The following YWHAH variants were observed in gnomAD, a reference collection of about 807,000 sequenced individuals.
YWHAH encodes the protein tyrosine 3-monooxygenase/tryptophan 5-monooxygenase activation protein eta, also known as 14-3-3 protein eta.
Under a neutral mutation model 22.9 loss-of-function variants are expected in YWHAH, and 6 were observed. The observed-to-expected ratio is 0.26, with a 90% CI of 0.14 to 0.52. The LOEUF is 0.52. Among genes scored for constraint, YWHAH ranks in the 20% least tolerant of loss-of-function variants. The probability of loss-of-function intolerance (pLI) is 0.97; values close to 1 mark genes in which losing one functional copy is unlikely to be tolerated. For missense variants in YWHAH, 173 were observed against 308.6 expected (o/e 0.56, Z 3.29); for synonymous variants, 135 against 124.5 (o/e 1.08, Z -0.56).
Position 31,944,840 on chromosome 22 carries a change from G to C in YWHAH, c.87+20G>C. The C allele has an allele frequency of 1.5e-6, 2 of 1,353,458 alleles. No individual in the cohort carries two copies. The highest frequency in any genetic ancestry group is 1.9e-6 in the Non-Finnish European group (2 of 1,047,296). The allele number at this position is 1,353,458 out of a possible 1,614,324, so 83.8% of individuals were successfully genotyped here. ...AAGGCGGTGAGCGCGCCGGGAGCCC[G>C]GGCGGCTGGCCGGGGGGGGCCTGGC... On this transcript the variant is annotated intron_variant, in intron 1 of 1. Coordinates refer to ENST00000248975, the MANE Select transcript of YWHAH (RefSeq NM_003405.4).
chr22:31,949,766 T>C (rs530600109), intron 1 of YWHAH, among the ~76,000 whole-genome samples: 2 of 152,332 alleles, frequency 1.3e-5, no homozygotes, highest in South Asian at 4.1e-4. Context: ...AAGTTGTGAA[T>C]TCAAGATTCA....
chr22:31,946,350 T>C (rs745865206), intron 1 of YWHAH, among the ~76,000 whole-genome samples: 6 of 152,174 alleles, frequency 3.9e-5, no homozygotes, highest in Non-Finnish European at 8.8e-5. Context: ...GACTGACGAA[T>C]GCATTTCCTT....
At chr22:31,950,571 G>A (rs1419626377) in intron 1 of YWHAH, 4 of 506,560 alleles carry the variant, frequency 7.9e-6, no homozygotes, top group Non-Finnish European at 1.4e-5. Context: ...GTTCAGTTAT[G>A]TCAAAAGCAA....
intron 1 of YWHAH, chr22:31,945,071 GCGGGCCGGT>G: frequency 9.1e-7 from 1 of 1,103,632 alleles, no homozygotes; most frequent in South Asian, 3.8e-5. Context: ...CGGAAGGGGG[GCGGGCCGGT>G]CGGGGTCGCC....
intron 1 of YWHAH, among the ~76,000 whole-genome samples, chr22:31,954,523 C>G (rs181055854): frequency 6.6e-6 from 1 of 152,196 alleles, no homozygotes; most frequent in Non-Finnish European, 1.5e-5. Context: ...GAACCTAGTA[C>G]GACAAACTGG....
At chr22:31,946,987 A>G (rs190591793) in intron 1 of YWHAH, among the ~76,000 whole-genome samples, 47 of 152,310 alleles carry the variant, frequency 3.1e-4, no homozygotes, top group Non-Finnish European at 5.9e-4. Flanking sequence ...TTGTGCTTAT[A>G]GGTATTTTCT....
intron 1 of YWHAH, among the ~76,000 whole-genome samples, chr22:31,951,374 A>T (rs538458412): frequency 6.6e-5 from 10 of 152,220 alleles, no homozygotes; most frequent in Non-Finnish European, 1.0e-4. Context: ...GCTATAAAGG[A>T]TGAGCCCATA....
chr22:31,944,838 C>T lies in YWHAH; in HGVS notation c.87+18C>T. The T allele has an allele frequency of 2.9e-6, 4 of 1,356,482 alleles. No individual in the cohort carries two copies. The highest frequency in any genetic ancestry group is 1.9e-6 in the Non-Finnish European group (2 of 1,048,232). The allele number at this position is 1,356,482 out of a possible 1,614,324, so 84.0% of individuals were successfully genotyped here. A position where few individuals can be genotyped will look rare whatever the true frequency, so the allele number is the denominator to read the frequency against. On this transcript the variant is annotated intron_variant, in intron 1 of 1. Coordinates refer to ENST00000248975, the MANE Select transcript of YWHAH (RefSeq NM_003405.4). ...TGAAGGCGGTGAGCGCGCCGGGAGC[C>T]CGGGCGGCTGGCCGGGGGGGGCCTG...
chr22:31,950,427 G>A, intron 1 of YWHAH: 1 of 778,734 alleles, frequency 1.3e-6, no homozygotes, highest in Non-Finnish European at 2.4e-6. Context: ...GCGGTGGTGA[G>A]TGTTAGCACT....
intron 1 of YWHAH, among the ~76,000 whole-genome samples, chr22:31,953,975 T>A (rs1443027151): frequency 6.6e-6 from 1 of 152,196 alleles, no homozygotes. Context: ...TGTTTTACTT[T>A]GTGAGAACTT....
Position 31,956,235 on chromosome 22 carries a change from G to A in YWHAH, c.184G>A (p.Val62Ile). The A allele has an allele frequency of 6.2e-7, 1 of 1,614,178 alleles. No homozygotes were observed. Among genetic ancestry groups the A allele is most frequent in the Non-Finnish European group, 8.5e-7 (1 of 1,180,036 alleles). The change falls in exon 2 of 2, where the codon GTC becomes ATC. Residue 62 changes from valine (V) to isoleucine (I), a missense_variant. By Grantham distance (29) the Val-to-Ile change is conservative (BLOSUM62 3). Coordinates refer to ENST00000248975, the MANE Select transcript of YWHAH (RefSeq NM_003405.4). This position sits in a 1 kb window ranked among gnomAD's most constrained non-coding sequence, Gnocchi z 5.1. ...VVGARRSSWR[V>I]ISSIEQKTMA... Reference sequence around the variant, plus strand: ...TGGTGCCAGGCGATCTTCCTGGAGGGTCATTAGCAGCATTGAGCAGAAAAC... The same window carrying A: ...TGGTGCCAGGCGATCTTCCTGGAGGATCATTAGCAGCATTGAGCAGAAAAC...
Position 31,956,015 on chromosome 22 carries a change from C to G in YWHAH, c.88-124C>G. The G allele has an allele frequency of 8.7e-7, 1 of 1,151,368 alleles. No individual in the cohort carries two copies. The highest frequency in any genetic ancestry group is 1.2e-6 in the Non-Finnish European group (1 of 819,612). 71.3% of individuals were successfully genotyped at this position (1,151,368 alleles called of 1,614,324 possible). On this transcript the variant is annotated intron_variant, in intron 1 of 1. Coordinates refer to ENST00000248975, the MANE Select transcript of YWHAH (RefSeq NM_003405.4). The surrounding 1 kb of genome is among the most constrained non-coding windows in gnomAD (Gnocchi z 5.1). ...TTTATCCATGGGTGGTTTTTATTCTCCAGAGTGACTGACCTGTTCGTAATT... is the reference window on the plus strand; with the variant it reads ...TTTATCCATGGGTGGTTTTTATTCTGCAGAGTGACTGACCTGTTCGTAATT...
chr22:31,949,578 A>G (rs1235937711), intron 1 of YWHAH, among the ~76,000 whole-genome samples: 1 of 151,774 alleles, frequency 6.6e-6, no homozygotes, highest in African/African-American at 2.4e-5. Flanking sequence ...GTTCACTGCA[A>G]GCTCCGCCTC....
chr22:31,948,101 C>T (rs2093837574), intron 1 of YWHAH, among the ~76,000 whole-genome samples: 1 of 152,128 alleles, frequency 6.6e-6, no homozygotes, highest in African/African-American at 2.4e-5. Flanking sequence ...ACCAGGTTGG[C>T]CTCGAACGTG....
chr22:31,952,224 G>A (rs376263031), intron 1 of YWHAH, among the ~76,000 whole-genome samples: 12 of 152,186 alleles, frequency 7.9e-5, no homozygotes, highest in African/African-American at 2.9e-4. Context: ...TAGCATGGTC[G>A]GGGCCTGGAG....
intron 1 of YWHAH, among the ~76,000 whole-genome samples, chr22:31,952,439 G>A (rs1458543533): frequency 6.6e-6 from 1 of 152,104 alleles, no homozygotes; most frequent in East Asian, 1.9e-4. Context: ...TTTCCAGTCT[G>A]GGAAAAACTC....
intron 1 of YWHAH, chr22:31,947,383 G>C (rs2093836448): frequency 2.1e-6 from 1 of 467,424 alleles, no homozygotes; most frequent in African/African-American, 2.0e-5. Context: ...CTTCTAACTT[G>C]TTTTCTGTTT....
rs1311125330 is a variant in YWHAH at position 31,956,834 on chromosome 22, C to G, written c.*42C>G. On this transcript the variant is annotated 3_prime_UTR_variant, in exon 2 of 2. Transcript: ENST00000248975. The surrounding 1 kb of genome is among the most constrained non-coding windows in gnomAD (Gnocchi z 5.1). ...CTGGCCCTTCCTTCACCCACCACCC[C>G]CATCATCACCGATTCTTCCTTGCCA... 8 of 1,514,066 alleles carry G rather than the reference C, an allele frequency of 5.3e-6. No homozygotes were observed. Among genetic ancestry groups the G allele is most frequent in the African/African-American group, 1.4e-5 (1 of 72,088 alleles). The allele number at this position is 1,514,066 out of a possible 1,614,324, so 93.8% of individuals were successfully genotyped here.
At chr22:31,945,019 G>A (rs989424572) in intron 1 of YWHAH, 199 bp downstream of exon 1, 29 of 1,115,612 alleles carry the variant, frequency 2.6e-5, no homozygotes, top group African/African-American at 1.6e-4. Context: ...GCCCAGGGTG[G>A]GGGATCCGGG....
Sources: gnomAD v4.1 joint callset for allele counts (sites outside exome capture counted in the v4.1 genomes callset) on GRCh38, gnomAD v4.1.1 for gene constraint, Gnocchi (gnomAD v3.1) non-coding constraint, MANE v1.5 for transcripts, NCBI Gene and HGNC (gene_info 2026-07-23, HGNC 2026-07-21) for gene names.